The following ERICH1 variants were observed in gnomAD, a reference collection of about 807,000 sequenced individuals.
ERICH1 encodes glutamate-rich protein 1.
In ERICH1, 56 loss-of-function variants were observed where a neutral mutation model predicts 39.6. The observed-to-expected ratio is 1.41, with a 90% confidence interval of 1.14 to 1.77. The LOEUF is 1.77. Ranked by LOEUF, ERICH1 falls within the 40% of genes most tolerant of loss-of-function variation. The probability of loss-of-function intolerance (pLI) is 0.00; values close to 1 mark genes in which losing one functional copy is unlikely to be tolerated. For missense variants in ERICH1, 826 were observed against 575.4 expected, an observed-to-expected ratio of 1.44 and a Z score of -4.45; for synonymous variants, 313 against 223.6, an observed-to-expected ratio of 1.40 and a Z score of -3.57.
intron 3 of ERICH1, among the ~76,000 whole-genome samples, chr8:652,400 G>C (rs1800090582): frequency 1.3e-5 from 2 of 152,228 alleles, no homozygotes; most frequent in Admixed American, 6.5e-5. Context: ...ACCGTTGTTG[G>C]CTGCTGGTTG....
At chr8:731,060 G>A (rs996012016) in intron 1 of ERICH1, 80 bp downstream of exon 1, 9 of 1,365,204 alleles carry the variant, frequency 6.6e-6, no homozygotes, top group Non-Finnish European at 7.6e-6. Context: ...GGCCGGGGTC[G>A]GGGTCCCGAG....
In ERICH1 at chr8:645,769, G is replaced by A. The variant is rs182589415; in HGVS notation, c.976+22829C>T. 1.0e-4 allele frequency among the ~76,000 whole-genome samples: 7 copies of A among 69,506 alleles called. 2 individuals are homozygous for A. Among genetic ancestry groups the A allele is most frequent in the Admixed American group, 8.6e-4 (7 of 8,134 alleles). The allele number at this position is 69,506 out of a possible 152,430, so 45.6% of individuals were successfully genotyped here. The stretch of plus-strand genomic sequence containing the variant: ...CTCCCAAAGTGCTGGGATTACAGGC[G>A]TGAGCCACGGTGCCCAGCCCAGAAA... On this transcript the variant is annotated intron_variant, in intron 3 of 3. Coordinates refer to the ERICH1 transcript ENST00000522706.
chr8:689,034 T>C (rs186556745), intron 3 of ERICH1, among the ~76,000 whole-genome samples: 3 of 152,328 alleles, frequency 2.0e-5, no homozygotes, highest in East Asian at 3.9e-4. Flanking sequence ...AAAAGATGAA[T>C]ATGAAAAGTG....
intron 2 of ERICH1, among the ~76,000 whole-genome samples, chr8:706,979 A>C (rs1259015412): frequency 1.3e-5 from 2 of 152,160 alleles, no homozygotes; most frequent in African/African-American, 2.4e-5. Flanking sequence ...TTTTTGCAGA[A>C]ATTGACATGC....
chr8:694,988 G>C (rs972022982), intron 2 of ERICH1, among the ~76,000 whole-genome samples: 1 of 152,138 alleles, frequency 6.6e-6, no homozygotes, highest in Non-Finnish European at 1.5e-5. Flanking sequence ...TGCTGGACAA[G>C]TCACAAGCAC....
chr8:636,576 C>T (rs1798458919), intron 3 of ERICH1, among the ~76,000 whole-genome samples: 1 of 152,246 alleles, frequency 6.6e-6, no homozygotes. Context: ...AAGCCCTCCA[C>T]TTACCCTCAG....
chr8:642,445 C>T lies in ERICH1; in HGVS notation c.976+26153G>A, dbSNP rs888558693. On this transcript the variant is annotated intron_variant, in intron 3 of 3. Coordinates refer to the ERICH1 transcript ENST00000522706. ...CTGCAAGCTCCTCCTCCTGGGTTCACGCCATTCTCCTGCCTCAGCCTCCCA... is the reference window on the plus strand; with the variant it reads ...CTGCAAGCTCCTCCTCCTGGGTTCATGCCATTCTCCTGCCTCAGCCTCCCA... 7.4e-5 allele frequency among the ~76,000 whole-genome samples: 11 copies of T among 148,784 alleles called. No homozygotes were observed. In the East Asian group the frequency reaches 8.0e-4, roughly 11 times the overall value.
intron 2 of ERICH1, among the ~76,000 whole-genome samples, chr8:695,695 T>G (rs13263451): frequency 2.4e-4 from 12 of 50,898 alleles, no homozygotes; most frequent in South Asian, 9.7e-4. Flanking sequence ...CACCTGTGCT[T>G]GCTCCTCTCG....
At chr8:618,956 A>G (rs1797105945) in intron 3 of ERICH1, among the ~76,000 whole-genome samples, 1 of 152,218 alleles carries the variant, frequency 6.6e-6, no homozygotes, top group Admixed American at 6.5e-5. Flanking sequence ...AACATCATTT[A>G]AAGTCTCTGA....
At chr8:619,357 C>G (rs767246523) in intron 3 of ERICH1, among the ~76,000 whole-genome samples, 4 of 152,182 alleles carry the variant, frequency 2.6e-5, no homozygotes, top group Non-Finnish European at 5.9e-5. Flanking sequence ...TTGTAAAAGA[C>G]AGTATAACAT....
At chr8:620,142 T>C (rs1797188509) in intron 3 of ERICH1, among the ~76,000 whole-genome samples, 1 of 151,208 alleles carries the variant, frequency 6.6e-6, no homozygotes, top group Non-Finnish European at 1.5e-5. Flanking sequence ...TGAAACCTCG[T>C]CTCTACTAAA....
Position 664,550 on chromosome 8 carries a change from G to C in ERICH1, c.*53C>G, listed in dbSNP as rs1801898106. 1.3e-6 allele frequency: 2 copies of C among 1,571,986 alleles called. No individual in the cohort carries two copies. The highest frequency in any genetic ancestry group is 4.5e-5 in the East Asian group (2 of 44,436). ...CTAACTCTAAGCCCATCTCACATTT[G>C]TCTTTTAAGTTTTTTTGTTAAAGAG... On this transcript the variant is annotated 3_prime_UTR_variant, in exon 6 of 6. Coordinates refer to ENST00000262109, the MANE Select transcript of ERICH1 (RefSeq NM_207332.3).
rs145488614 is a variant in ERICH1, at chr8:624,136, G to A, written c.977-8852C>T. Among the ~76,000 whole-genome samples the A allele has an allele frequency of 3.3e-5, 5 of 152,306 alleles. No homozygotes were observed. In the East Asian group the frequency reaches 5.8e-4, roughly 18 times the overall value. On this transcript the variant is annotated intron_variant, in intron 3 of 3. Transcript: ENST00000522706. Reference sequence around the variant, plus strand: ...TCATGCAAATGGCCAATGAGCGCACGCAAAGATGTTCAACTTCATTATCCA... The same window carrying A: ...TCATGCAAATGGCCAATGAGCGCACACAAAGATGTTCAACTTCATTATCCA...
At chr8:650,450 TCAGTTACCGTCCTCGG>T (rs1251005754) in intron 3 of ERICH1, among the ~76,000 whole-genome samples, 3 of 152,134 alleles carry the variant, frequency 2.0e-5, no homozygotes, top group African/African-American at 7.2e-5. Context: ...GTTTTCCATC[TCAGTTACCGTCCTCGG>T]CAGGGCACTG....
chr8:668,005 T>C (rs1464784563), intron 5 of ERICH1: 1 of 164,706 alleles, frequency 6.1e-6, no homozygotes, highest in Non-Finnish European at 1.3e-5. Context: ...GGTGGGCTGC[T>C]CTGCACTCAG....
intron 1 of ERICH1, among the ~76,000 whole-genome samples, chr8:720,910 G>C (rs1817170510): frequency 6.6e-6 from 1 of 152,206 alleles, no homozygotes; most frequent in African/African-American, 2.4e-5. Context: ...CTTCTGGTAA[G>C]CCTTGTCACA....
At chr8:639,191 G>T (rs558602869) in intron 3 of ERICH1, among the ~76,000 whole-genome samples, 1 of 152,262 alleles carries the variant, frequency 6.6e-6, no homozygotes, top group Non-Finnish European at 1.5e-5. Context: ...CTCAGATAAA[G>T]ACACTTGGAT....
chr8:663,512 G>C (rs571835751), downstream of ERICH1, among the ~76,000 whole-genome samples: 13 of 104,100 alleles, frequency 1.2e-4, no homozygotes, highest in East Asian at 5.5e-3. Flanking sequence ...GGACACGGAT[G>C]CTCACAGGCG....
chr8:699,830 C>T (rs898411058), intron 2 of ERICH1, among the ~76,000 whole-genome samples: 14 of 72,704 alleles, frequency 1.9e-4, no homozygotes, highest in Non-Finnish European at 3.8e-4. Flanking sequence ...AGCGCACAGA[C>T]CCGCACAGGC....
Sources: gnomAD v4.1 joint callset for allele counts (sites outside exome capture counted in the v4.1 genomes callset) on GRCh38, gnomAD v4.1.1 for gene constraint, MANE v1.5 for transcripts, NCBI Gene and HGNC (gene_info 2026-07-23, HGNC 2026-07-21) for gene names.